CDKAL1: variants seen among roughly 807,000 people sequenced by gnomAD.
CDKAL1 encodes the protein threonylcarbamoyladenosine tRNA methylthiotransferase.
In CDKAL1, 32 loss-of-function variants were observed where a neutral mutation model predicts 68.2. The ratio of observed to expected loss-of-function variants is 0.47; its 90% confidence interval spans 0.35 to 0.63. The LOEUF (loss-of-function observed/expected upper bound fraction) is 0.63. CDKAL1 is among the 30% of genes least tolerant of loss of function. The pLI is 0.00. For synonymous variants in CDKAL1, 234 were observed against 244.3 expected (o/e 0.96, Z 0.39); for missense variants, 606 against 696.7 (o/e 0.87, Z 1.47).
At chr6:20,674,574 T>G (rs1324424631) in intron 5 of CDKAL1, among the ~76,000 whole-genome samples, 1 of 152,204 alleles carries the variant, frequency 6.6e-6, no homozygotes, top group African/African-American at 2.4e-5. Context: ...ATTTATCATT[T>G]CTTTGGGTTG....
At chr6:20,812,136 CT>C (rs1226990338) in intron 8 of CDKAL1, among the ~76,000 whole-genome samples, 1 of 152,094 alleles carries the variant, frequency 6.6e-6, no homozygotes, top group Non-Finnish European at 1.5e-5. Context: ...TTTGGTTACC[CT>C]GCTTTATAGT....
intron 5 of CDKAL1, among the ~76,000 whole-genome samples, chr6:20,734,690 TG>T (rs1773104531): frequency 1.3e-5 from 2 of 152,300 alleles, no homozygotes; most frequent in East Asian, 3.9e-4. Context: ...AGTTCTGGTC[TG>T]CCTTAGAATT....
chr6:21,076,375 A>G (rs186039808), intron 12 of CDKAL1, among the ~76,000 whole-genome samples: 1 of 152,340 alleles, frequency 6.6e-6, no homozygotes, highest in Admixed American at 6.5e-5. Flanking sequence ...ACACACACAC[A>G]GACACGTGAG....
chr6:21,164,000 T>G (rs551838182), intron 13 of CDKAL1, among the ~76,000 whole-genome samples: 5 of 152,040 alleles, frequency 3.3e-5, no homozygotes, highest in African/African-American at 4.8e-5. Context: ...ATTTTAGTTA[T>G]TAATTAGGCT....
At chr6:20,641,896 A>C (rs1340116202) in intron 4 of CDKAL1, among the ~76,000 whole-genome samples, 1 of 152,190 alleles carries the variant, frequency 6.6e-6, no homozygotes, top group East Asian at 1.9e-4. Flanking sequence ...ATGTAGGAGA[A>C]ATTCTGACGT....
At chr6:20,964,355 C>A (rs555860128) in intron 10 of CDKAL1, among the ~76,000 whole-genome samples, 1 of 152,256 alleles carries the variant, frequency 6.6e-6, no homozygotes, top group African/African-American at 2.4e-5. Context: ...AAGTCACATG[C>A]GTGGGTATGT....
intron 11 of CDKAL1, among the ~76,000 whole-genome samples, chr6:21,024,934 G>C (rs1768878681): frequency 6.6e-6 from 1 of 152,204 alleles, no homozygotes; most frequent in Non-Finnish European, 1.5e-5. Flanking sequence ...GGAATTAACT[G>C]ATGGACCCCA....
intron 8 of CDKAL1, among the ~76,000 whole-genome samples, chr6:20,839,850 G>A (rs1328317058): frequency 6.6e-6 from 1 of 152,034 alleles, no homozygotes; most frequent in Non-Finnish European, 1.5e-5. Flanking sequence ...TTGTCAACTG[G>A]TCTGTCCATT....
intron 8 of CDKAL1, among the ~76,000 whole-genome samples, chr6:20,836,110 C>G (rs1188849286): frequency 1.3e-5 from 2 of 152,098 alleles, no homozygotes; most frequent in African/African-American, 2.4e-5. Context: ...AGTGTACCTC[C>G]TATGAATAGC....
intron 5 of CDKAL1, among the ~76,000 whole-genome samples, chr6:20,664,655 G>T (rs550024611): frequency 2.6e-5 from 4 of 152,184 alleles, no homozygotes; most frequent in Admixed American, 6.5e-5. Flanking sequence ...GATAACAAAG[G>T]ATTTGATGTC....
At chr6:20,972,318 G>A (rs145905665) in intron 10 of CDKAL1, among the ~76,000 whole-genome samples, 191 of 152,272 alleles carry the variant, frequency 1.3e-3, no homozygotes, top group African/African-American at 4.2e-3. Flanking sequence ...AGTTCATGAG[G>A]CCTCAGACAC....
chr6:20,824,850 G>T (rs140464573), intron 8 of CDKAL1, among the ~76,000 whole-genome samples: 4 of 152,192 alleles, frequency 2.6e-5, no homozygotes, highest in Admixed American at 2.6e-4. Flanking sequence ...TTTTATTAGA[G>T]CTATCTGTAT....
chr6:21,206,683 C>G (rs748699696), intron 15 of CDKAL1, among the ~76,000 whole-genome samples: 2 of 152,112 alleles, frequency 1.3e-5, no homozygotes, highest in Admixed American at 6.5e-5. Context: ...GATCTGGAGT[C>G]TGTCAGGTTT....
chr6:21,220,224 G>A (rs1376400913), intron 15 of CDKAL1, among the ~76,000 whole-genome samples: 1 of 152,008 alleles, frequency 6.6e-6, no homozygotes, highest in African/African-American at 2.4e-5. Context: ...GTGTGTTTGC[G>A]AGCACATGTG....
chr6:20,553,837 C>T (rs1407693999), intron 4 of CDKAL1, among the ~76,000 whole-genome samples: 1 of 151,154 alleles, frequency 6.6e-6, no homozygotes, highest in Non-Finnish European at 1.5e-5. Flanking sequence ...GTCTCTAACT[C>T]CTGGCCTCAA....
At chr6:21,212,695 A>T (rs9358398) in intron 15 of CDKAL1, among the ~76,000 whole-genome samples, 2 of 151,902 alleles carry the variant, frequency 1.3e-5, no homozygotes, top group Non-Finnish European at 2.9e-5. Flanking sequence ...AATGTTTAAA[A>T]TTTTTTTCAT....
At chr6:20,610,821 A>C (rs1766586981) in intron 4 of CDKAL1, among the ~76,000 whole-genome samples, 1 of 152,236 alleles carries the variant, frequency 6.6e-6, no homozygotes, top group Non-Finnish European at 1.5e-5. Context: ...GCTCTTGCAC[A>C]ACTGAACATG....
chr6:20,880,542 A>G (rs1233071005), intron 9 of CDKAL1, among the ~76,000 whole-genome samples: 1 of 152,308 alleles, frequency 6.6e-6, no homozygotes, highest in East Asian at 1.9e-4. Context: ...GGCGTGAGCC[A>G]CCGCGCCTGG....
intron 13 of CDKAL1, among the ~76,000 whole-genome samples, chr6:21,189,517 C>G (rs1343965024): frequency 6.6e-6 from 1 of 151,852 alleles, no homozygotes; most frequent in Non-Finnish European, 1.5e-5. Context: ...CTTTTTTTGT[C>G]ATTGTTTAAG....
Sources: allele counts gnomAD v4.1 joint callset (sites outside exome capture counted in the v4.1 genomes callset), GRCh38; gene constraint gnomAD v4.1.1; transcripts MANE v1.5; gene names NCBI Gene and HGNC (gene_info 2026-07-23, HGNC 2026-07-21).